Variants in SH3RF1 observed in about 807,000 individuals in gnomAD.
SH3RF1 encodes SH3 domain containing ring finger 1.
In SH3RF1, 32 loss-of-function variants were observed where a neutral mutation model predicts 74.0. The observed-to-expected ratio is 0.43, with a 90% CI of 0.33 to 0.58. The LOEUF is 0.58. SH3RF1 is among the 20% of genes least tolerant of loss of function. The pLI is 0.05. For synonymous variants in SH3RF1, 396 were observed against 439.6 expected, an observed-to-expected ratio of 0.90 and a Z score of 1.24; for missense variants, 954 against 1,130.9, an observed-to-expected ratio of 0.84 and a Z score of 2.24.
chr4:169,234,740 G>A (rs1348532890), intron 2 of SH3RF1, among the ~76,000 whole-genome samples: 5 of 152,114 alleles, frequency 3.3e-5, no homozygotes, highest in Non-Finnish European at 7.4e-5. Context: ...TACTCTAAGG[G>A]ATCTTTTCTA....
At chr4:169,163,060 T>G (rs1488916823) in intron 2 of SH3RF1, among the ~76,000 whole-genome samples, 4 of 150,380 alleles carry the variant, frequency 2.7e-5, no homozygotes, top group African/African-American at 9.8e-5. Context: ...CTTGCTGTTT[T>G]GCGGGGGGCA....
rs200854924 is a variant in SH3RF1 at position 169,126,600 on chromosome 4, G to GT, written c.1179+3445dup. On this transcript the variant is annotated intron_variant, in intron 6 of 11. Coordinates refer to ENST00000284637, the MANE Select transcript of SH3RF1 (RefSeq NM_020870.4). ...TAAAATTTTTATTATTTTTATTTTT[G>GT]TTTTTTTTAGGAACAGCATCTAGTC... 7.5e-3 allele frequency among the ~76,000 whole-genome samples: 1,141 copies of GT among 151,634 alleles called. 13 individuals are homozygous for GT. The highest frequency in any genetic ancestry group is 0.025 in the African/African-American group (1,051 of 41,340).
At chr4:169,132,138 G>A (rs1480514073) in intron 5 of SH3RF1, among the ~76,000 whole-genome samples, 7 of 152,134 alleles carry the variant, frequency 4.6e-5, no homozygotes, top group African/African-American at 1.4e-4. Context: ...TTCAAAACGC[G>A]AAGTACATGG....
At chr4:169,246,251 G>A (rs1260226448) in intron 2 of SH3RF1, among the ~76,000 whole-genome samples, 5 of 152,196 alleles carry the variant, frequency 3.3e-5, no homozygotes, top group Admixed American at 6.5e-5. Context: ...ATTGAAGCAT[G>A]AGACACGTAT....
rs1369196308 is a variant in SH3RF1 at position 169,256,378 on chromosome 4, A to G, written c.393+12442T>C. The stretch of plus-strand genomic sequence containing the variant: ...AATGTTGCTCTCCATTTCCTTTTAC[A>G]GATGAGGCCCAGAGAAGCTGACTGA... On this transcript the variant is annotated intron_variant, in intron 2 of 11. Transcript: ENST00000284637. Among the ~76,000 whole-genome samples, 4 of 152,074 alleles carry G rather than the reference A, an allele frequency of 2.6e-5. No homozygotes were observed. In the East Asian group the frequency reaches 5.8e-4, roughly 22 times the overall value.
chr4:169,232,599 C>T (rs1730761049), intron 2 of SH3RF1, among the ~76,000 whole-genome samples: 1 of 152,172 alleles, frequency 6.6e-6, no homozygotes, highest in African/African-American at 2.4e-5. Flanking sequence ...CACATCCTAT[C>T]CCAGAGCAGC....
At chr4:169,217,676 A>G (rs1366402366) in intron 2 of SH3RF1, among the ~76,000 whole-genome samples, 3 of 152,126 alleles carry the variant, frequency 2.0e-5, no homozygotes, top group African/African-American at 7.2e-5. Flanking sequence ...GAGGAATAAA[A>G]CATTGGCCTG....
rs1243440991 is a variant in SH3RF1 at position 169,122,108 on chromosome 4, G to A, written c.1338C>T (p.Arg446=). 1 of 1,612,412 alleles carries A rather than the reference G, an allele frequency of 6.2e-7. No homozygotes were observed. Reference sequence around the variant, plus strand: ...ACGACACGCTCACTTACACACTGGGGCGAGTCTGCGGCCGTAAATGTGCAA... The same window carrying A: ...ACGACACGCTCACTTACACACTGGGACGAGTCTGCGGCCGTAAATGTGCAA... ...DQIAHLRPQT[R]PSVYVAIYPY... Residue 446 remains arginine (R), a synonymous_variant, in exon 7 of 12, where the codon CGC becomes CGT. Transcript: ENST00000284637.
intron 2 of SH3RF1, among the ~76,000 whole-genome samples, chr4:169,177,802 C>A (rs1367693418): frequency 6.6e-6 from 1 of 151,880 alleles, no homozygotes; most frequent in Non-Finnish European, 1.5e-5. Flanking sequence ...ATGTAGGTAA[C>A]AGATATAGTT....
At position 169,238,274 on chromosome 4, in the gene SH3RF1, C is replaced by T. The variant is rs778098426; in HGVS notation, c.393+30546G>A. Among the ~76,000 whole-genome samples the T allele has an allele frequency of 5.3e-5, 8 of 152,306 alleles. No individual in the cohort carries two copies. In the East Asian group the frequency reaches 5.8e-4, roughly 11 times the overall value. ...ACACCTACCTGCACTATTAATACTCCGCACAGCAGGGAGAAAGGAACTACC... is the reference window on the plus strand; with the variant it reads ...ACACCTACCTGCACTATTAATACTCTGCACAGCAGGGAGAAAGGAACTACC... On this transcript the variant is annotated intron_variant, in intron 2 of 11. Transcript: ENST00000284637.
chr4:169,241,178 C>T (rs1188865230), intron 2 of SH3RF1, among the ~76,000 whole-genome samples: 5 of 152,084 alleles, frequency 3.3e-5, no homozygotes, highest in African/African-American at 1.2e-4. Flanking sequence ...TGCAGTGAGC[C>T]GAGATCGCGC....
intron 5 of SH3RF1, among the ~76,000 whole-genome samples, chr4:169,131,739 T>C (rs1452850603): frequency 6.6e-6 from 1 of 152,252 alleles, no homozygotes; most frequent in African/African-American, 2.4e-5. Flanking sequence ...CTCTGACTGG[T>C]TGCTTTCTGT....
At chr4:169,156,788 T>A in intron 2 of SH3RF1, 109 bp from the exon 3 acceptor site, 1 of 989,730 alleles carries the variant, frequency 1.0e-6, no homozygotes, top group Non-Finnish European at 1.5e-6. Flanking sequence ...AACCACACTG[T>A]AACCCTTGAA....
intron 2 of SH3RF1, among the ~76,000 whole-genome samples, chr4:169,192,812 T>C (rs1734746538): frequency 6.7e-6 from 1 of 148,620 alleles, no homozygotes; most frequent in Admixed American, 6.8e-5. Context: ...ATATATGATA[T>C]ATATGTGATA....
chr4:169,257,184 CACTTTCTGTCCAGCAGGA>C (rs1325812849), intron 2 of SH3RF1, among the ~76,000 whole-genome samples: 2 of 152,188 alleles, frequency 1.3e-5, no homozygotes, highest in Non-Finnish European at 2.9e-5. Context: ...TATTACCAGA[CACTTTCTGTCCAGCAGGA>C]ATCACAGAGC....
At chr4:169,160,620 G>A (rs751690056) in intron 2 of SH3RF1, among the ~76,000 whole-genome samples, 9 of 152,166 alleles carry the variant, frequency 5.9e-5, no homozygotes, top group Non-Finnish European at 1.3e-4. Flanking sequence ...ATCTGGCTGT[G>A]TTTTTCTATG....
intron 10 of SH3RF1, among the ~76,000 whole-genome samples, chr4:169,109,594 T>C (rs1205951608): frequency 6.6e-6 from 1 of 152,196 alleles, no homozygotes; most frequent in East Asian, 1.9e-4. Context: ...ATTTTTTCTA[T>C]GTTAGCAGAA....
intron 2 of SH3RF1, among the ~76,000 whole-genome samples, chr4:169,176,643 C>T (rs910036392): frequency 1.3e-5 from 2 of 152,036 alleles, no homozygotes; most frequent in African/African-American, 2.4e-5. Flanking sequence ...CACGTTCAAG[C>T]GATTCTCCTG....
intron 2 of SH3RF1, among the ~76,000 whole-genome samples, chr4:169,224,020 C>T (rs1417450336): frequency 1.3e-5 from 2 of 152,224 alleles, no homozygotes; most frequent in South Asian, 4.1e-4. Flanking sequence ...CTTAAAGGCA[C>T]CATTGACATT....
Sources: allele counts gnomAD v4.1 joint callset (sites outside exome capture counted in the v4.1 genomes callset), GRCh38; gene constraint gnomAD v4.1.1; transcripts MANE v1.5; gene names NCBI Gene and HGNC (gene_info 2026-07-23, HGNC 2026-07-21).